GALNT17: variants seen among roughly 807,000 people sequenced by gnomAD.
GALNT17 encodes UDP-GalNAc:polypeptide N-acetylgalactosaminyltransferase-like 3.
In GALNT17, 29 loss-of-function variants were observed where a neutral mutation model predicts 63.7. The ratio of observed to expected loss-of-function variants is 0.46; its 90% CI spans 0.34 to 0.62. The LOEUF (loss-of-function observed/expected upper bound fraction) is 0.62. Ranked by LOEUF, GALNT17 falls within the 20% of genes least tolerant of loss-of-function variation. The probability of loss-of-function intolerance (pLI) is 0.01; values close to 1 mark genes in which losing one functional copy is unlikely to be tolerated. For synonymous variants in GALNT17, 305 were observed against 318.3 expected, an observed-to-expected ratio of 0.96 and a Z score of 0.45; for missense variants, 603 against 799.6, an observed-to-expected ratio of 0.75 and a Z score of 2.97.
At position 71,515,657 on chromosome 7, in the gene GALNT17, G is replaced by A. The variant is rs193045453; in HGVS notation, c.963-55628G>A. 7.9e-4 allele frequency among the ~76,000 whole-genome samples: 120 copies of A among 152,276 alleles called. No individual in the cohort carries two copies. In the Middle Eastern group the frequency reaches 0.014, roughly 17 times the overall value. On this transcript the variant is annotated intron_variant, in intron 5 of 10. Coordinates refer to ENST00000333538, the MANE Select transcript of GALNT17 (RefSeq NM_022479.3). ...ATCTCTGTTCCTTTCCCCATGGGGAGAGGAGAATTATCACCTTCCTCATTC... is the reference window on the plus strand; with the variant it reads ...ATCTCTGTTCCTTTCCCCATGGGGAAAGGAGAATTATCACCTTCCTCATTC...
At chr7:71,579,524 G>C (rs1035156366) in intron 6 of GALNT17, among the ~76,000 whole-genome samples, 1 of 152,212 alleles carries the variant, frequency 6.6e-6, no homozygotes, top group Non-Finnish European at 1.5e-5. Context: ...CTAGTCTAGG[G>C]AGTTGGGAGG....
At chr7:71,367,839 G>A (rs1055078613) in intron 2 of GALNT17, among the ~76,000 whole-genome samples, 1 of 152,220 alleles carries the variant, frequency 6.6e-6, no homozygotes, top group Non-Finnish European at 1.5e-5. Context: ...TGTTAATTAG[G>A]TAAGTTATGT....
intron 5 of GALNT17, among the ~76,000 whole-genome samples, chr7:71,438,852 C>T (rs1353238411): frequency 2.0e-5 from 3 of 151,488 alleles, no homozygotes; most frequent in African/African-American, 7.3e-5. Context: ...ATGTCCTACA[C>T]ATGACAGACT....
chr7:71,457,280 A>G (rs547339215), intron 5 of GALNT17, among the ~76,000 whole-genome samples: 3 of 152,308 alleles, frequency 2.0e-5, no homozygotes, highest in South Asian at 4.2e-4. Flanking sequence ...CTTTTAAGCT[A>G]TCTTATTTAG....
At chr7:71,472,848 C>T (rs1787657755) in intron 5 of GALNT17, among the ~76,000 whole-genome samples, 1 of 152,130 alleles carries the variant, frequency 6.6e-6, no homozygotes, top group South Asian at 2.1e-4. Flanking sequence ...AAAACGAAAA[C>T]CAACCCCACA....
chr7:71,690,580 A>G (rs745401632), intron 9 of GALNT17, among the ~76,000 whole-genome samples: 5 of 152,216 alleles, frequency 3.3e-5, no homozygotes, highest in Non-Finnish European at 7.3e-5. Flanking sequence ...ATAGATAGTG[A>G]TTCTTCTCAT....
At chr7:71,269,621 G>T (rs544029436) in intron 1 of GALNT17, among the ~76,000 whole-genome samples, 1 of 152,216 alleles carries the variant, frequency 6.6e-6, no homozygotes, top group Non-Finnish European at 1.5e-5. Context: ...CGACCCACAC[G>T]TGGGGCCTAG....
intron 5 of GALNT17, among the ~76,000 whole-genome samples, chr7:71,549,045 C>T (rs1240969617): frequency 6.6e-6 from 1 of 152,092 alleles, no homozygotes; most frequent in African/African-American, 2.4e-5. Flanking sequence ...AGCTACTGGA[C>T]CTGGTACTGT....
At chr7:71,400,051 T>C (rs1001900880) in intron 3 of GALNT17, among the ~76,000 whole-genome samples, 6 of 152,170 alleles carry the variant, frequency 3.9e-5, no homozygotes, top group Non-Finnish European at 5.9e-5. Flanking sequence ...GTTACATAGG[T>C]ATACATGTGC....
intron 6 of GALNT17, among the ~76,000 whole-genome samples, chr7:71,611,658 C>T (rs570673223): frequency 5.9e-4 from 90 of 151,922 alleles, no homozygotes; most frequent in African/African-American, 2.0e-3. Context: ...AAAAAAAACA[C>T]GCACTTGCAT....
chr7:71,384,637 A>T (rs191519672), intron 2 of GALNT17, among the ~76,000 whole-genome samples: 1 of 152,192 alleles, frequency 6.6e-6, no homozygotes, highest in East Asian at 1.9e-4. Flanking sequence ...ATGTTTATGG[A>T]GCACTTTGGA....
rs1453400620 is a variant in GALNT17 at position 71,425,417 on chromosome 7, T to G, written c.962+4312T>G. The stretch of plus-strand genomic sequence containing the variant: ...TTTTGTATTTTTAGTAGAGACAGGG[T>G]TTCACCATGTTGACCAGGCTGGTCT... On this transcript the variant is annotated intron_variant, in intron 5 of 10. Transcript: ENST00000333538. Among the ~76,000 whole-genome samples the G allele has an allele frequency of 2.6e-5, 4 of 152,002 alleles. No homozygotes were observed. The East Asian group carries it at 5.8e-4, about 22-fold the overall frequency.
intron 2 of GALNT17, among the ~76,000 whole-genome samples, chr7:71,345,973 A>G (rs1792088164): frequency 6.6e-6 from 1 of 150,920 alleles, no homozygotes; most frequent in Non-Finnish European, 1.5e-5. Flanking sequence ...TCTTGAGGTC[A>G]GGAGTTTGAG....
intron 6 of GALNT17, among the ~76,000 whole-genome samples, chr7:71,608,480 TAC>T (rs1176184851): frequency 6.6e-6 from 1 of 152,126 alleles, no homozygotes; most frequent in Non-Finnish European, 1.5e-5. Flanking sequence ...TGAAAAGTGT[TAC>T]ACAAATACAA....
chr7:71,166,110 A>T (rs2116268311), intron 1 of GALNT17, among the ~76,000 whole-genome samples: 1 of 152,318 alleles, frequency 6.6e-6, no homozygotes, highest in East Asian at 1.9e-4. Flanking sequence ...CATCGTTCAA[A>T]TGCAATGTGC....
At chr7:71,197,300 C>T (rs566723774) in intron 1 of GALNT17, among the ~76,000 whole-genome samples, 9 of 149,082 alleles carry the variant, frequency 6.0e-5, no homozygotes, top group South Asian at 2.2e-4. Context: ...CCTGGTTTCA[C>T]GCCATTCGCC....
chr7:71,141,196 A>G (rs559144043), intron 1 of GALNT17, among the ~76,000 whole-genome samples: 2 of 151,776 alleles, frequency 1.3e-5, no homozygotes, highest in Admixed American at 6.6e-5. Flanking sequence ...GCGAAACCCC[A>G]TCTCTACTAA....
intron 4 of GALNT17, among the ~76,000 whole-genome samples, chr7:71,418,534 C>G (rs906355737): frequency 1.3e-5 from 2 of 152,186 alleles, no homozygotes; most frequent in African/African-American, 4.8e-5. Context: ...GACATTCCAT[C>G]TTTGTGGCTC....
At chr7:71,502,156 C>T (rs1788190574) in intron 5 of GALNT17, among the ~76,000 whole-genome samples, 1 of 152,196 alleles carries the variant, frequency 6.6e-6, no homozygotes, top group South Asian at 2.1e-4. Context: ...TCATATTTGC[C>T]AGCATCTACT....
Sources: allele counts gnomAD v4.1 joint callset (sites outside exome capture counted in the v4.1 genomes callset), GRCh38; gene constraint gnomAD v4.1.1; transcripts MANE v1.5; gene names NCBI Gene and HGNC (gene_info 2026-07-23, HGNC 2026-07-21).